NKAIN2: variants seen among roughly 807,000 people sequenced by gnomAD.
NKAIN2 encodes sodium/potassium transporting ATPase interacting 2.
In NKAIN2, 14 loss-of-function variants were observed where a neutral mutation model predicts 32.6. That is an observed-to-expected ratio of 0.43 (90% CI 0.28 to 0.67). NKAIN2 has a LOEUF of 0.67. Ranked by LOEUF, NKAIN2 falls within the 30% of genes least tolerant of loss-of-function variation. The pLI, the probability that NKAIN2 is intolerant of heterozygous loss-of-function variation, is 0.17. For missense variants in NKAIN2, 198 were observed against 258.3 expected (o/e 0.77, Z 1.60); for synonymous variants, 80 against 87.2 (o/e 0.92, Z 0.46).
At chr6:123,883,729 A>T (rs1018306614) in intron 1 of NKAIN2, among the ~76,000 whole-genome samples, 3 of 150,500 alleles carry the variant, frequency 2.0e-5, no homozygotes, top group Non-Finnish European at 4.4e-5. Context: ...TACATTTTAA[A>T]AAAATGTACC....
chr6:124,777,041 TA>T (rs1779010778), intron 4 of NKAIN2, among the ~76,000 whole-genome samples: 1 of 152,174 alleles, frequency 6.6e-6, no homozygotes, highest in African/African-American at 2.4e-5. Flanking sequence ...CTCTTCAAAA[TA>T]AAAGATATTC....
chr6:124,746,306 G>T lies in NKAIN2; in HGVS notation c.475-45033G>T, dbSNP rs74689351. 3.9e-3 allele frequency among the ~76,000 whole-genome samples: 598 copies of T among 151,878 alleles called. 3 individuals are homozygous for T. The highest frequency in any genetic ancestry group is 0.014 in the African/African-American group (568 of 41,480). On this transcript the variant is annotated intron_variant, in intron 4 of 6. Transcript: ENST00000368417. The stretch of plus-strand genomic sequence containing the variant: ...AAAATTAGTGCTTTTAATAAGTAAG[G>T]AACATTTTAAATCACTGAGAATAAT...
chr6:124,107,048 G>A (rs893290715), intron 1 of NKAIN2, among the ~76,000 whole-genome samples: 6 of 152,128 alleles, frequency 3.9e-5, no homozygotes, highest in Non-Finnish European at 7.4e-5. Context: ...GTCAGGTAAG[G>A]CCTCGGGAGT....
At chr6:124,628,092 C>A (rs1006429268) in intron 3 of NKAIN2, among the ~76,000 whole-genome samples, 11 of 152,118 alleles carry the variant, frequency 7.2e-5, no homozygotes, top group Admixed American at 6.5e-5. Context: ...CACAGAGCTA[C>A]TCACCATTTC....
chr6:124,505,881 A>G (rs903955948), intron 3 of NKAIN2, among the ~76,000 whole-genome samples: 2 of 152,028 alleles, frequency 1.3e-5, no homozygotes, highest in African/African-American at 4.8e-5. Flanking sequence ...CACTATTAAG[A>G]TTGTTTCCCG....
At chr6:124,359,156 T>C (rs928646040) in intron 3 of NKAIN2, among the ~76,000 whole-genome samples, 1 of 152,242 alleles carries the variant, frequency 6.6e-6, no homozygotes, top group African/African-American at 2.4e-5. Flanking sequence ...ACCAGTATCA[T>C]GCTGTTTTGG....
chr6:124,351,721 A>G (rs111687712), intron 2 of NKAIN2, among the ~76,000 whole-genome samples: 2,429 of 137,826 alleles, frequency 0.018, 78 homozygotes, highest in African/African-American at 0.065. Flanking sequence ...TCCTGGGTTC[A>G]AGTGATTCTC....
At chr6:124,696,263 G>A (rs74565831) in intron 4 of NKAIN2, among the ~76,000 whole-genome samples, 4,654 of 152,216 alleles carry the variant, frequency 0.031, 92 homozygotes, top group East Asian at 0.072. Flanking sequence ...GCATGCGAAT[G>A]TGAAGTGGGA....
chr6:123,841,284 G>A (rs1377964688), intron 1 of NKAIN2, among the ~76,000 whole-genome samples: 1 of 152,102 alleles, frequency 6.6e-6, no homozygotes. Flanking sequence ...ACAAGTACTT[G>A]AGATATTCTT....
intron 1 of NKAIN2, among the ~76,000 whole-genome samples, chr6:123,805,814 A>G (rs2114849847): frequency 6.6e-6 from 1 of 152,292 alleles, no homozygotes; most frequent in South Asian, 2.1e-4. Flanking sequence ...ACTGTGTGAA[A>G]GCATAAAAAT....
At chr6:123,883,572 G>A (rs955387077) in intron 1 of NKAIN2, among the ~76,000 whole-genome samples, 9 of 151,294 alleles carry the variant, frequency 5.9e-5, no homozygotes, top group Admixed American at 4.0e-4. Flanking sequence ...ATGATTGTAC[G>A]TTCCTGAGGC....
At chr6:124,738,333 G>T (rs1777049012) in intron 4 of NKAIN2, among the ~76,000 whole-genome samples, 1 of 151,640 alleles carries the variant, frequency 6.6e-6, no homozygotes, top group Non-Finnish European at 1.5e-5. Flanking sequence ...ATAAAACATA[G>T]AAATAATAAA....
chr6:124,643,952 A>C (rs1037634923), intron 3 of NKAIN2, among the ~76,000 whole-genome samples: 2 of 152,160 alleles, frequency 1.3e-5, no homozygotes, highest in Non-Finnish European at 2.9e-5. Flanking sequence ...TGGAAAAGTA[A>C]ATTTTAGCTC....
chr6:124,298,317 CTCTT>C (rs1291196030), intron 2 of NKAIN2, among the ~76,000 whole-genome samples: 2 of 151,872 alleles, frequency 1.3e-5, no homozygotes, highest in Non-Finnish European at 2.9e-5. Context: ...TCTTCTTTAT[CTCTT>C]TCTATTTTTA....
At chr6:124,174,716 T>C (rs912406724) in intron 1 of NKAIN2, among the ~76,000 whole-genome samples, 2 of 152,188 alleles carry the variant, frequency 1.3e-5, no homozygotes, top group South Asian at 2.1e-4. Context: ...GCACCACTTC[T>C]ACTCATATTT....
chr6:124,353,199 G>A (rs1398898268), intron 2 of NKAIN2, among the ~76,000 whole-genome samples: 1 of 152,108 alleles, frequency 6.6e-6, no homozygotes, highest in Non-Finnish European at 1.5e-5. Context: ...ACTAAGTTAG[G>A]AACCTAGGAA....
chr6:123,923,855 T>G lies in NKAIN2; in HGVS notation c.54+119601T>G, dbSNP rs565892320. Among the ~76,000 whole-genome samples, 170 of 149,628 alleles carry G rather than the reference T, an allele frequency of 1.1e-3. 1 individual carries two copies. Among genetic ancestry groups the G allele is most frequent in the African/African-American group, 3.9e-3 (158 of 40,760 alleles). On this transcript the variant is annotated intron_variant, in intron 1 of 6. Coordinates refer to ENST00000368417, the MANE Select transcript of NKAIN2 (RefSeq NM_001040214.3). ...TACCTAATGCTAGATGACGAGTTAG[T>G]GGGTGCAGCACACCAGCATGGCACA...
chr6:124,587,073 A>C (rs937577529), intron 3 of NKAIN2, among the ~76,000 whole-genome samples: 1 of 152,220 alleles, frequency 6.6e-6, no homozygotes, highest in Non-Finnish European at 1.5e-5. Flanking sequence ...ATTTGGGAGA[A>C]TAATGGAACT....
chr6:124,034,850 T>C (rs1051425801), intron 1 of NKAIN2, among the ~76,000 whole-genome samples: 2 of 152,116 alleles, frequency 1.3e-5, no homozygotes, highest in African/African-American at 4.8e-5. Context: ...GTGGTTTTAA[T>C]TTATATTTCT....
Sources: allele counts gnomAD v4.1 joint callset (sites outside exome capture counted in the v4.1 genomes callset), GRCh38; gene constraint gnomAD v4.1.1; transcripts MANE v1.5; gene names NCBI Gene and HGNC (gene_info 2026-07-23, HGNC 2026-07-21).